The following ACTN1 variants were observed in gnomAD, a reference collection of about 807,000 sequenced individuals.
ACTN1 encodes alpha-actinin-1.
In ACTN1, 30 loss-of-function variants were observed where a neutral mutation model predicts 119.6. That is an observed-to-expected ratio of 0.25 (90% confidence interval 0.19 to 0.34). ACTN1 has a LOEUF of 0.34. ACTN1 is among the 10% of genes least tolerant of loss of function. The pLI, the probability that ACTN1 is intolerant of heterozygous loss-of-function variation, is 1.00. For synonymous variants in ACTN1, 429 were observed against 472.6 expected, an observed-to-expected ratio of 0.91 and a Z score of 1.20; for missense variants, 764 against 1,223.4, an observed-to-expected ratio of 0.62 and a Z score of 5.60.
chr14:68,883,562 A>G (rs998949591), intron 14 of ACTN1, among the ~76,000 whole-genome samples: 14 of 152,288 alleles, frequency 9.2e-5, no homozygotes, highest in Non-Finnish European at 1.8e-4. Context: ...TCTTGAAGCC[A>G]GGAGTTCGAG....
chr14:68,878,350 G>T lies in ACTN1; in HGVS notation c.2427+108C>A. Reference sequence around the variant, plus strand: ...TGGGCCCTGGGGCTCCTCCAGGGAGGGCAGCCCCTAGCCTGAGGGCCTCCA... The same window carrying T: ...TGGGCCCTGGGGCTCCTCCAGGGAGTGCAGCCCCTAGCCTGAGGGCCTCCA... On this transcript the variant is annotated intron_variant, in intron 20 of 21. Coordinates refer to ENST00000394419, the MANE Select transcript of ACTN1 (RefSeq NM_001130004.2). This position sits in a 1 kb window ranked among gnomAD's most constrained non-coding sequence, Gnocchi z 4.4. The T allele has an allele frequency of 6.9e-7, 1 of 1,440,728 alleles. No individual in the cohort carries two copies. The allele number at this position is 1,440,728 out of a possible 1,614,324, so 89.2% of individuals were successfully genotyped here.
chr14:68,911,748 G>A (rs758166117), intron 4 of ACTN1, among the ~76,000 whole-genome samples: 1 of 152,154 alleles, frequency 6.6e-6, no homozygotes, highest in Non-Finnish European at 1.5e-5. Flanking sequence ...AGACCATGGC[G>A]GCCCTTGCAG....
At chr14:68,892,013 C>T (rs1255874772) in intron 10 of ACTN1, 40 bp downstream of exon 10, 7 of 1,605,688 alleles carry the variant, frequency 4.4e-6, no homozygotes, top group Admixed American at 1.7e-5. Flanking sequence ...GAGGTGGAGG[C>T]AGTCCAGTCT....
At chr14:68,887,381 A>T (rs1594763448) in intron 11 of ACTN1, 2 of 178,014 alleles carry the variant, frequency 1.1e-5, no homozygotes, top group Non-Finnish European at 1.5e-5. Context: ...CAATTCTACT[A>T]AAAAAACAAC....
chr14:68,896,691 G>A (rs1226011401), intron 8 of ACTN1, among the ~76,000 whole-genome samples: 1 of 152,170 alleles, frequency 6.6e-6, no homozygotes, highest in Non-Finnish European at 1.5e-5. Context: ...AGCTTCAGAA[G>A]CAACTTCAGA....
At chr14:68,905,999 A>AC (rs59072646) in intron 6 of ACTN1, among the ~76,000 whole-genome samples, 1 of 151,470 alleles carries the variant, frequency 6.6e-6, no homozygotes, top group Non-Finnish European at 1.5e-5. Flanking sequence ...AAAAAAAAAA[A>AC]CAGCAAACAC....
intron 1 of ACTN1, among the ~76,000 whole-genome samples, chr14:68,962,211 G>A (rs1036636194): frequency 1.3e-5 from 2 of 152,168 alleles, no homozygotes; most frequent in African/African-American, 2.4e-5. Flanking sequence ...TCCAGGGCAC[G>A]GGCGCCTGGG....
intron 1 of ACTN1, among the ~76,000 whole-genome samples, chr14:68,952,474 T>A (rs1317262662): frequency 6.6e-6 from 1 of 152,204 alleles, no homozygotes; most frequent in Non-Finnish European, 1.5e-5. Context: ...AAAATGGATG[T>A]CACATGCAGT....
Position 68,878,334 on chromosome 14 carries a change from GGGCT to G in ACTN1, c.2427+120_2427+123del. On this transcript the variant is annotated intron_variant, in intron 20 of 21. Coordinates refer to ENST00000394419, the MANE Select transcript of ACTN1 (RefSeq NM_001130004.2). The surrounding 1 kb of genome is among the most constrained non-coding windows in gnomAD (Gnocchi z 4.4). Reference sequence around the variant, plus strand: ...ATCTTCCCCAAGGACATGGGCCCTGGGGCTCCTCCAGGGAGGGCAGCCCCTAGCC... The same window carrying G: ...ATCTTCCCCAAGGACATGGGCCCTGGCCTCCAGGGAGGGCAGCCCCTAGCC... 2 of 1,381,676 alleles carry G rather than the reference GGGCT, an allele frequency of 1.4e-6. No individual in the cohort carries two copies. The highest frequency in any genetic ancestry group is 2.9e-5 in the African/African-American group (2 of 68,772). 85.6% of individuals were successfully genotyped at this position (1,381,676 alleles called of 1,614,324 possible). A position where few individuals can be genotyped will look rare whatever the true frequency, so the allele number is the denominator to read the frequency against.
At chr14:68,942,794 G>A (rs1254496324) in intron 1 of ACTN1, among the ~76,000 whole-genome samples, 2 of 152,140 alleles carry the variant, frequency 1.3e-5, no homozygotes, top group Non-Finnish European at 2.9e-5. Context: ...TCCTCACACA[G>A]CTGCACTGGG....
chr14:68,887,613 T>C, intron 11 of ACTN1: 2 of 1,401,344 alleles, frequency 1.4e-6, no homozygotes, highest in South Asian at 1.2e-5. Context: ...TTTCACCTCT[T>C]AAAAAAAAGC....
At chr14:68,975,947 AC>A (rs1296524868) in intron 1 of ACTN1, among the ~76,000 whole-genome samples, 1 of 152,156 alleles carries the variant, frequency 6.6e-6, no homozygotes, top group African/African-American at 2.4e-5. Flanking sequence ...GCATCATTTA[AC>A]CTGATTCCCC....
At chr14:68,973,359 C>T (rs1261839267) in intron 1 of ACTN1, among the ~76,000 whole-genome samples, 1 of 152,166 alleles carries the variant, frequency 6.6e-6, no homozygotes, top group Admixed American at 6.5e-5. Context: ...GGGTGGTTAC[C>T]CACATGCTGT....
intron 7 of ACTN1, among the ~76,000 whole-genome samples, chr14:68,903,079 A>G (rs112833280): frequency 0.027 from 4,173 of 152,360 alleles, 72 homozygotes; most frequent in Middle Eastern, 0.088. Context: ...ATTCGGAAGT[A>G]TGCAGTGGTA....
In ACTN1 at chr14:68,898,901, TCCACACACC is replaced by T. The variant is rs1443668411; in HGVS notation, c.762+3567_762+3575del. On this transcript the variant is annotated intron_variant, in intron 8 of 21. Coordinates refer to ENST00000394419, the MANE Select transcript of ACTN1 (RefSeq NM_001130004.2). ...CACACGCCATCCACATCCCACACAC[TCCACACACC>T]CCACACACCCCTCACACATGCCACA... 1.9e-4 allele frequency among the ~76,000 whole-genome samples: 28 copies of T among 149,776 alleles called. 1 individual carries two copies. In the South Asian group the frequency reaches 5.1e-3, roughly 27 times the overall value.
chr14:68,942,133 G>A (rs28488011), intron 1 of ACTN1, among the ~76,000 whole-genome samples: 5,532 of 152,210 alleles, frequency 0.036, 312 homozygotes, highest in African/African-American at 0.13. Context: ...TTGCACCCCC[G>A]GGGTGGGACT....
At chr14:68,950,947 T>C (rs1379989973) in intron 1 of ACTN1, among the ~76,000 whole-genome samples, 1 of 151,994 alleles carries the variant, frequency 6.6e-6, no homozygotes, top group Non-Finnish European at 1.5e-5. Flanking sequence ...TTCAGGAGGG[T>C]GTTTAAGACC....
intron 1 of ACTN1, among the ~76,000 whole-genome samples, chr14:68,939,541 C>T (rs899984336): frequency 3.3e-5 from 5 of 152,178 alleles, no homozygotes; most frequent in African/African-American, 9.7e-5. Context: ...TGCTACCAGA[C>T]GCAGACCAAG....
At chr14:68,914,284 T>G (rs1243267087) in intron 3 of ACTN1, among the ~76,000 whole-genome samples, 2 of 152,050 alleles carry the variant, frequency 1.3e-5, no homozygotes, top group Non-Finnish European at 2.9e-5. Context: ...ATTTGTTATT[T>G]CCAATGGTTT....
Sources: allele counts gnomAD v4.1 joint callset (sites outside exome capture counted in the v4.1 genomes callset), GRCh38; gene constraint gnomAD v4.1.1; non-coding constraint Gnocchi (gnomAD v3.1); transcripts MANE v1.5; gene names NCBI Gene and HGNC (gene_info 2026-07-23, HGNC 2026-07-21).